Variants in ST6GALNAC5 observed in about 807,000 individuals in gnomAD.
ST6GALNAC5 encodes the protein ST6 N-acetylgalactosaminide alpha-2,6-sialyltransferase 5, also known as alpha-N-acetylgalactosaminide alpha-2,6-sialyltransferase 5.
ST6GALNAC5 carries 27 observed loss-of-function variants against 33.6 expected under a neutral mutation model. The ratio of observed to expected loss-of-function variants is 0.80; its 90% CI spans 0.59 to 1.11. The LOEUF (loss-of-function observed/expected upper bound fraction) is 1.11. Ranked by LOEUF, ST6GALNAC5 falls within the 50% of genes least tolerant of loss-of-function variation. The probability of loss-of-function intolerance (pLI) is 0.00; values close to 1 mark genes in which losing one functional copy is unlikely to be tolerated. For synonymous variants in ST6GALNAC5, 194 were observed against 171.2 expected (o/e 1.13, Z -1.04); for missense variants, 428 against 454.0 (o/e 0.94, Z 0.52).
intron 2 of ST6GALNAC5, among the ~76,000 whole-genome samples, chr1:76,994,181 T>C (rs1343587693): frequency 6.6e-6 from 1 of 152,230 alleles, no homozygotes; most frequent in East Asian, 1.9e-4. Context: ...AGTATTGTCA[T>C]CTATTTTGAT....
intron 2 of ST6GALNAC5, among the ~76,000 whole-genome samples, chr1:76,936,953 G>GGCGTGT (rs138095164): frequency 0.052 from 7,310 of 139,980 alleles, 403 homozygotes; most frequent in African/African-American, 0.1. Context: ...AGAGAAGCAG[G>GGCGTGT]GTGTGTGTGT....
chr1:77,040,306 A>G (rs1465023616), intron 2 of ST6GALNAC5, among the ~76,000 whole-genome samples: 1 of 152,226 alleles, frequency 6.6e-6, no homozygotes, highest in Non-Finnish European at 1.5e-5. Context: ...TACCAAAAGC[A>G]CCTAAGGCAT....
intron 2 of ST6GALNAC5, among the ~76,000 whole-genome samples, chr1:76,900,326 T>A (rs1646804662): frequency 6.7e-6 from 1 of 149,640 alleles, no homozygotes; most frequent in South Asian, 2.2e-4. Flanking sequence ...ATCGGCCATC[T>A]GGATGTGTAC....
rs370063736 is a variant in ST6GALNAC5, at chr1:76,989,353, A to T, written c.262-54851A>T. Among the ~76,000 whole-genome samples the T allele has an allele frequency of 7.9e-5, 12 of 151,762 alleles. No homozygotes were observed. In the East Asian group the frequency reaches 1.9e-3, roughly 25 times the overall value. On this transcript the variant is annotated intron_variant, in intron 2 of 4. Transcript: ENST00000477717. ...ATATCTTATCTCTTCCTGCTATGCT[A>T]CCATACTTTCCCTGAATTATTCCAT...
intron 3 of ST6GALNAC5, among the ~76,000 whole-genome samples, 167 bp downstream of exon 3, chr1:77,044,780 C>G (rs546945638): frequency 2.6e-4 from 39 of 152,194 alleles, no homozygotes; most frequent in African/African-American, 8.9e-4. Flanking sequence ...GCTGCTCAAG[C>G]TGACTTTACA....
At chr1:76,934,016 CT>C (rs560828583) in intron 2 of ST6GALNAC5, among the ~76,000 whole-genome samples, 32 of 152,076 alleles carry the variant, frequency 2.1e-4, no homozygotes, top group Admixed American at 5.9e-4. Flanking sequence ...CTCCATTTTC[CT>C]TTTTTGTTGT....
intron 2 of ST6GALNAC5, among the ~76,000 whole-genome samples, chr1:76,881,031 A>C (rs767418262): frequency 5.9e-5 from 9 of 152,226 alleles, no homozygotes; most frequent in African/African-American, 7.2e-5. Flanking sequence ...ATCATTAATC[A>C]ACAAGTCATT....
chr1:76,953,020 T>C (rs908280480), intron 2 of ST6GALNAC5, among the ~76,000 whole-genome samples: 3 of 152,168 alleles, frequency 2.0e-5, no homozygotes, highest in African/African-American at 7.2e-5. Flanking sequence ...GCATGTATCA[T>C]TTCTTTTATT....
chr1:76,984,904 A>G (rs1649416390), intron 2 of ST6GALNAC5, among the ~76,000 whole-genome samples: 1 of 152,204 alleles, frequency 6.6e-6, no homozygotes, highest in Non-Finnish European at 1.5e-5. Flanking sequence ...AACAGAACCA[A>G]TGACAGAAAC....
At chr1:76,893,714 G>A (rs1247355478) in intron 2 of ST6GALNAC5, among the ~76,000 whole-genome samples, 2 of 152,122 alleles carry the variant, frequency 1.3e-5, no homozygotes, top group Non-Finnish European at 2.9e-5. Flanking sequence ...AGGCTAGATT[G>A]CAGTGGCGCG....
intron 2 of ST6GALNAC5, among the ~76,000 whole-genome samples, chr1:76,918,549 C>A (rs1319216303): frequency 7.4e-6 from 1 of 135,466 alleles, no homozygotes; most frequent in Non-Finnish European, 1.5e-5. Flanking sequence ...ACCCCGGGGG[C>A]AGAGCTTGCA....
At chr1:77,031,765 G>T (rs1651464831) in intron 2 of ST6GALNAC5, among the ~76,000 whole-genome samples, 1 of 152,188 alleles carries the variant, frequency 6.6e-6, no homozygotes. Flanking sequence ...TTAGTTATTT[G>T]TACAGCAAAT....
chr1:76,952,340 A>AC (rs1647782669), intron 2 of ST6GALNAC5, among the ~76,000 whole-genome samples: 2 of 151,892 alleles, frequency 1.3e-5, no homozygotes, highest in South Asian at 4.2e-4. Context: ...TGAAGCCCTG[A>AC]CCCCCAATGT....
intron 4 of ST6GALNAC5, among the ~76,000 whole-genome samples, chr1:77,056,207 A>G (rs1652390631): frequency 6.6e-6 from 1 of 152,206 alleles, no homozygotes; most frequent in Non-Finnish European, 1.5e-5. Context: ...CTCTTAAATC[A>G]TGCCATATCC....
chr1:77,005,645 A>T (rs1284152979), intron 2 of ST6GALNAC5, among the ~76,000 whole-genome samples: 2 of 152,228 alleles, frequency 1.3e-5, no homozygotes, highest in African/African-American at 4.8e-5. Context: ...CACTATCCAC[A>T]TGCAGAACTT....
intron 2 of ST6GALNAC5, among the ~76,000 whole-genome samples, chr1:76,908,914 T>C (rs1646887659): frequency 6.6e-6 from 1 of 152,204 alleles, no homozygotes; most frequent in South Asian, 2.1e-4. Context: ...TCTAAGAAAT[T>C]GAAGTTTTAT....
At chr1:76,953,132 A>C (rs2100340091) in intron 2 of ST6GALNAC5, among the ~76,000 whole-genome samples, 1 of 152,226 alleles carries the variant, frequency 6.6e-6, no homozygotes, top group Non-Finnish European at 1.5e-5. Flanking sequence ...TTATGGATAG[A>C]GCTGCCATAG....
chr1:76,900,796 A>C (rs916848423), intron 2 of ST6GALNAC5, among the ~76,000 whole-genome samples: 8 of 152,240 alleles, frequency 5.3e-5, no homozygotes, highest in Non-Finnish European at 7.3e-5. Flanking sequence ...AAAAAATCAT[A>C]TTTAGATACA....
At chr1:76,979,215 CA>C (rs1649148447) in intron 2 of ST6GALNAC5, among the ~76,000 whole-genome samples, 1 of 151,902 alleles carries the variant, frequency 6.6e-6, no homozygotes, top group African/African-American at 2.4e-5. Flanking sequence ...GCTGCAGATT[CA>C]ATGCAATCCC....
Sources: allele counts gnomAD v4.1 joint callset (sites outside exome capture counted in the v4.1 genomes callset), GRCh38; gene constraint gnomAD v4.1.1; transcripts MANE v1.5; gene names NCBI Gene and HGNC (gene_info 2026-07-23, HGNC 2026-07-21).